OPN5: variants seen among roughly 807,000 people sequenced by gnomAD.
OPN5 encodes opsin 5.
Under a neutral mutation model 41.7 loss-of-function variants are expected in OPN5, and 18 were observed. The observed-to-expected ratio is 0.43, with a 90% CI of 0.30 to 0.64. The LOEUF is 0.64. Among genes scored for constraint, OPN5 ranks in the 30% least tolerant of loss-of-function variants. The pLI, the probability that OPN5 is intolerant of heterozygous loss-of-function variation, is 0.13. For missense variants in OPN5, 318 were observed against 434.5 expected, an observed-to-expected ratio of 0.73 and a Z score of 2.38; for synonymous variants, 178 against 164.3, an observed-to-expected ratio of 1.08 and a Z score of -0.64.
chr6:47,813,933 A>C lies in OPN5; in HGVS notation c.1056+2202A>C, dbSNP rs139070450. 2.8e-3 allele frequency among the ~76,000 whole-genome samples: 425 copies of C among 152,246 alleles called. 4 individuals are homozygous for C. Among genetic ancestry groups the C allele is most frequent in the Middle Eastern group, 0.01 (3 of 294 alleles). On this transcript the variant is annotated intron_variant, in intron 6 of 6. Coordinates refer to ENST00000371211, the Ensembl canonical transcript of OPN5. ...AATGGGATGGGGGAGAGAGTGAATT[A>C]TATTTAGAATATGTTGAATGCGGAG...
chr6:47,799,046 C>T (rs751799528), intron 4 of OPN5, among the ~76,000 whole-genome samples: 12 of 151,958 alleles, frequency 7.9e-5, no homozygotes, highest in Admixed American at 2.6e-4. Flanking sequence ...AGTATTCTGC[C>T]GGTCTGATCT....
chr6:47,789,898 ATTT>A (rs5876034), intron 2 of OPN5, among the ~76,000 whole-genome samples: 102 of 143,860 alleles, frequency 7.1e-4, no homozygotes, highest in Non-Finnish European at 1.2e-3. Context: ...TTCCTCAGTA[ATTT>A]TTTTTTTTTT....
At chr6:47,802,174 C>G (rs1223369917) in intron 4 of OPN5, among the ~76,000 whole-genome samples, 1 of 152,270 alleles carries the variant, frequency 6.6e-6, no homozygotes. Context: ...GACTTGGGCA[C>G]CAGCCCTCAG....
chr6:47,795,760 CT>C (rs1353743758), intron 4 of OPN5, among the ~76,000 whole-genome samples, 197 bp downstream of exon 4: 1 of 118,206 alleles, frequency 8.5e-6, no homozygotes, highest in Admixed American at 9.6e-5. Flanking sequence ...CCACTTCTCT[CT>C]TCTCTCTCTC....
At chr6:47,815,998 T>C (rs977544065) in intron 6 of OPN5, among the ~76,000 whole-genome samples, 1 of 152,168 alleles carries the variant, frequency 6.6e-6, no homozygotes, top group Non-Finnish European at 1.5e-5. Context: ...AGGTCTGAAA[T>C]AGACAGGCAA....
chr6:47,796,652 T>A (rs1467188883), intron 4 of OPN5, among the ~76,000 whole-genome samples: 1 of 152,192 alleles, frequency 6.6e-6, no homozygotes, highest in Non-Finnish European at 1.5e-5. Flanking sequence ...AGTATTCTCA[T>A]GTTCACTTTG....
At chr6:47,820,240 C>CT (rs1188472239) in intron 6 of OPN5, among the ~76,000 whole-genome samples, 2 of 151,916 alleles carry the variant, frequency 1.3e-5, no homozygotes, top group African/African-American at 4.8e-5. Flanking sequence ...GTCTGCTCTA[C>CT]TTTTTTACTT....
intron 4 of OPN5, among the ~76,000 whole-genome samples, chr6:47,798,503 G>A (rs1773651030): frequency 6.6e-6 from 1 of 150,962 alleles, no homozygotes; most frequent in Non-Finnish European, 1.5e-5. Flanking sequence ...ATGAAGTGTA[G>A]GAATACATAT....
chr6:47,807,671 TAAAAG>T (rs1774027678), intron 4 of OPN5, among the ~76,000 whole-genome samples: 1 of 152,144 alleles, frequency 6.6e-6, no homozygotes, highest in Non-Finnish European at 1.5e-5. Context: ...AAATTTGAGT[TAAAAG>T]AAATAACATT....
chr6:47,788,649 A>G (rs1347891426), intron 2 of OPN5, among the ~76,000 whole-genome samples: 1 of 152,022 alleles, frequency 6.6e-6, no homozygotes, highest in Non-Finnish European at 1.5e-5. Context: ...GCTCAGCTAT[A>G]TTCCATTATA....
intron 6 of OPN5, among the ~76,000 whole-genome samples, chr6:47,814,432 GAA>G (rs1014394857): frequency 6.6e-6 from 1 of 151,788 alleles, no homozygotes. Context: ...TAGTGAAAAG[GAA>G]AAAAAGAGTT....
At chr6:47,820,920 A>G (rs923115003) in intron 6 of OPN5, among the ~76,000 whole-genome samples, 10 of 152,236 alleles carry the variant, frequency 6.6e-5, no homozygotes, top group African/African-American at 2.4e-4. Context: ...AACAGTCGAT[A>G]AACACATATT....
chr6:47,794,519 G>A (rs1773481934), intron 3 of OPN5, among the ~76,000 whole-genome samples: 1 of 152,110 alleles, frequency 6.6e-6, no homozygotes. Context: ...TTCTCTTTTG[G>A]TTAACAGAAA....
exon 7 of OPN5, chr6:47,824,480 G>A (rs536808952): frequency 2.4e-4 from 38 of 159,034 alleles, no homozygotes; most frequent in Admixed American, 1.7e-3. Context: ...CAGTGCAGGG[G>A]GGTCTTTCAC....
intron 4 of OPN5, among the ~76,000 whole-genome samples, chr6:47,805,402 GA>G (rs1250654750): frequency 1.4e-5 from 2 of 143,954 alleles, no homozygotes; most frequent in African/African-American, 5.1e-5. Context: ...TTGTAAAATG[GA>G]AAAAAAATTG....
At chr6:47,805,956 A>G (rs1401154790) in intron 4 of OPN5, among the ~76,000 whole-genome samples, 1 of 152,106 alleles carries the variant, frequency 6.6e-6, no homozygotes, top group East Asian at 1.9e-4. Context: ...TAAAATCCCC[A>G]AGGTGGGTCT....
intron 2 of OPN5, among the ~76,000 whole-genome samples, chr6:47,790,405 T>TTCTCTCTCTCTGTGTC (rs1773333189): frequency 6.8e-6 from 1 of 146,698 alleles, no homozygotes; most frequent in African/African-American, 2.4e-5. Flanking sequence ...CTCTCTCTCT[T>TTCTCTCTCTCTGTGTC]TCTCTCTCTC....
At chr6:47,823,868 C>T in intron 6 of OPN5, 115 bp from the exon 7 acceptor site, 1 of 784,868 alleles carries the variant, frequency 1.3e-6, no homozygotes, top group Middle Eastern at 2.3e-4. Context: ...CCATCGCAAT[C>T]CTGGTTCTTT....
intron 6 of OPN5, among the ~76,000 whole-genome samples, chr6:47,822,711 T>C (rs1762666906): frequency 6.6e-6 from 1 of 152,168 alleles, no homozygotes; most frequent in African/African-American, 2.4e-5. Context: ...AGTTCCATGA[T>C]GGAGTCTGTT....
Sources: allele counts gnomAD v4.1 joint callset (sites outside exome capture counted in the v4.1 genomes callset), GRCh38; gene constraint gnomAD v4.1.1; transcripts MANE v1.5; gene names NCBI Gene and HGNC (gene_info 2026-07-23, HGNC 2026-07-21).